LARGE1: variants seen among roughly 807,000 people sequenced by gnomAD.
LARGE1 encodes the protein xylosyl- and glucuronyltransferase LARGE1.
A neutral mutation model predicts 87.6 loss-of-function variants in LARGE1; 43 were observed. The observed-to-expected ratio is 0.49, with a 90% CI of 0.38 to 0.63. LARGE1 has a LOEUF of 0.63. Ranked by LOEUF, LARGE1 falls within the 30% of genes least tolerant of loss-of-function variation. The probability of loss-of-function intolerance (pLI) is 0.00; values close to 1 mark genes in which losing one functional copy is unlikely to be tolerated. For synonymous variants in LARGE1, 434 were observed against 394.6 expected (o/e 1.10, Z -1.18); for missense variants, 802 against 1,000.2 (o/e 0.80, Z 2.67).
At chr22:33,209,974 C>G (rs917293718) in intron 11 of LARGE1, among the ~76,000 whole-genome samples, 9 of 152,172 alleles carry the variant, frequency 5.9e-5, no homozygotes, top group African/African-American at 2.2e-4. Flanking sequence ...AATCTTGGCT[C>G]TACATTAAAA....
chr22:33,079,254 G>A, the LARGE1 span, among the ~76,000 whole-genome samples: 1 of 122,812 alleles, frequency 8.1e-6, no homozygotes, highest in Admixed American at 9.8e-5. Flanking sequence ...TTTAGACAGA[G>A]TCTCACTCTG....
rs555946493 is a variant in LARGE1 at position 33,451,571 on chromosome 22, T to G, written c.788-19306A>C. Among the ~76,000 whole-genome samples the G allele has an allele frequency of 8.8e-4, 133 of 151,454 alleles. 1 individual carries two copies. In the South Asian group the frequency reaches 0.014, roughly 16 times the overall value. On this transcript the variant is annotated intron_variant, in intron 6 of 14. Coordinates refer to ENST00000397394, the MANE Select transcript of LARGE1 (RefSeq NM_133642.5). The stretch of plus-strand genomic sequence containing the variant: ...TATGGGAGTATCTCATTCTTTTTTT[T>G]TTTTTTGAGACCAAGTCTCGCTATG...
At position 33,469,630 on chromosome 22, in the gene LARGE1, G is replaced by C. The variant is rs572744193; in HGVS notation, c.788-37365C>G. 2.6e-5 allele frequency among the ~76,000 whole-genome samples: 4 copies of C among 152,052 alleles called. No homozygotes were observed. The South Asian group carries it at 8.3e-4, about 32-fold the overall frequency. The stretch of plus-strand genomic sequence containing the variant: ...ACTTGAGGTCAGGAGTTCGAGACCA[G>C]TCTGGCCAACATGGTGAAACCCCCT... On this transcript the variant is annotated intron_variant, in intron 6 of 14. Coordinates refer to ENST00000397394, the MANE Select transcript of LARGE1 (RefSeq NM_133642.5).
At position 33,604,567 on chromosome 22, in the gene LARGE1, A is replaced by T. The variant is rs751532535; in HGVS notation, c.492-9T>A. The T allele has an allele frequency of 1.9e-6, 3 of 1,613,950 alleles. No individual in the cohort carries two copies. In the South Asian group the frequency reaches 3.3e-5, roughly 18 times the overall value. On this transcript the variant is annotated splice_polypyrimidine_tract_variant and intron_variant, in intron 4 of 14. Coordinates refer to ENST00000397394, the MANE Select transcript of LARGE1 (RefSeq NM_133642.5). ...AGTGCAGAGGGTTCCGTCTGTGGGG[A>T]GTGTGAGAAGGAAGGGTCAGGTGGA...
chr22:33,583,233 C>T (rs1407246660), intron 5 of LARGE1, among the ~76,000 whole-genome samples: 1 of 152,158 alleles, frequency 6.6e-6, no homozygotes, highest in Admixed American at 6.5e-5. Flanking sequence ...CCATGTCAAA[C>T]CCTCCCTGTC....
intron 2 of LARGE1, among the ~76,000 whole-genome samples, chr22:33,756,931 C>T (rs985961895): frequency 1.3e-5 from 2 of 151,924 alleles, no homozygotes; most frequent in African/African-American, 2.4e-5. Context: ...TGAAGGGAGA[C>T]AAGGATTACT....
chr22:33,247,176 A>C (rs921476158), intron 11 of LARGE1, among the ~76,000 whole-genome samples: 2 of 152,188 alleles, frequency 1.3e-5, no homozygotes, highest in East Asian at 1.9e-4. Context: ...TTAAAAAAAA[A>C]CAAAACCAAA....
At chr22:33,493,028 G>C (rs796917720) in intron 6 of LARGE1, among the ~76,000 whole-genome samples, 4 of 152,154 alleles carry the variant, frequency 2.6e-5, no homozygotes, top group African/African-American at 9.6e-5. Flanking sequence ...ATTCAAAATT[G>C]TGTTTAATGC....
At chr22:33,794,778 C>T (rs985062755) in intron 1 of LARGE1, among the ~76,000 whole-genome samples, 1 of 152,100 alleles carries the variant, frequency 6.6e-6, no homozygotes, top group Non-Finnish European at 1.5e-5. Context: ...TGCCACCACA[C>T]CCAGCTGATT....
At chr22:33,428,439 G>C (rs558949266) in intron 7 of LARGE1, among the ~76,000 whole-genome samples, 165 of 150,608 alleles carry the variant, frequency 1.1e-3, no homozygotes, top group Non-Finnish European at 1.7e-3. Flanking sequence ...TCAGCCTCCC[G>C]AGTAGCTGGG....
chr22:33,791,469 G>A (rs1422010858), intron 1 of LARGE1, among the ~76,000 whole-genome samples: 1 of 152,150 alleles, frequency 6.6e-6, no homozygotes, highest in East Asian at 1.9e-4. Context: ...GTTTGCAAAG[G>A]AAGAAAAATA....
chr22:33,373,647 C>T (rs60882844), intron 9 of LARGE1, among the ~76,000 whole-genome samples: 3 of 96,034 alleles, frequency 3.1e-5, no homozygotes, highest in African/African-American at 2.0e-4. Context: ...TGTTTTTTTT[C>T]CCCCAGTTCT....
intron 6 of LARGE1, among the ~76,000 whole-genome samples, chr22:33,495,389 G>A (rs891170367): frequency 5.3e-5 from 8 of 152,170 alleles, no homozygotes; most frequent in African/African-American, 1.9e-4. Flanking sequence ...GTAAAAACAA[G>A]TTTTCCATCC....
chr22:33,297,012 C>A (rs1315071817), intron 12 of LARGE1, among the ~76,000 whole-genome samples: 1 of 152,168 alleles, frequency 6.6e-6, no homozygotes, highest in Non-Finnish European at 1.5e-5. Flanking sequence ...ATAGTAAGTG[C>A]TCAGTAAATG....
intron 11 of LARGE1, among the ~76,000 whole-genome samples, chr22:33,215,706 T>C (rs1003997076): frequency 1.3e-5 from 2 of 152,046 alleles, no homozygotes; most frequent in Non-Finnish European, 2.9e-5. Context: ...CCTTTAATCC[T>C]AGCACTTTGG....
At chr22:33,144,259 T>C in the LARGE1 span, among the ~76,000 whole-genome samples, 1 of 152,170 alleles carries the variant, frequency 6.6e-6, no homozygotes, top group African/African-American at 2.4e-5. Context: ...TACTGACTAA[T>C]ACCACTTAGA....
intron 6 of LARGE1, among the ~76,000 whole-genome samples, chr22:33,432,562 A>ATCAATCATTCAT (rs1555916088): frequency 2.7e-5 from 4 of 150,322 alleles, no homozygotes; most frequent in African/African-American, 7.5e-5. Flanking sequence ...AGAATCCCAA[A>ATCAATCATTCAT]TCATTCATTC....
At chr22:33,834,284 C>T (rs1000412110) in intron 1 of LARGE1, among the ~76,000 whole-genome samples, 4 of 152,142 alleles carry the variant, frequency 2.6e-5, no homozygotes, top group African/African-American at 7.2e-5. Flanking sequence ...AAAATATGTA[C>T]CTGTCAGGCC....
At chr22:33,094,593 C>G in the LARGE1 span, among the ~76,000 whole-genome samples, 9 of 151,956 alleles carry the variant, frequency 5.9e-5, no homozygotes, top group South Asian at 1.9e-3. Flanking sequence ...CTTTTTCTTT[C>G]TTTCTTTTTT....
Sources: allele counts gnomAD v4.1 joint callset (sites outside exome capture counted in the v4.1 genomes callset), GRCh38; gene constraint gnomAD v4.1.1; transcripts MANE v1.5; gene names NCBI Gene and HGNC (gene_info 2026-07-23, HGNC 2026-07-21).